The following ALDH1A2 variants were observed in gnomAD, a reference collection of about 807,000 sequenced individuals.
ALDH1A2 encodes aldehyde dehydrogenase 1 family member A2.
In ALDH1A2, 27 loss-of-function variants were observed where a neutral mutation model predicts 60.3. That is an observed-to-expected ratio of 0.45 (90% CI 0.33 to 0.62). The LOEUF (loss-of-function observed/expected upper bound fraction) is 0.62, where lower values mean the gene tolerates loss of function less well. ALDH1A2 is among the 20% of genes least tolerant of loss of function. ALDH1A2 has a pLI of 0.02. For missense variants in ALDH1A2, 581 were observed against 643.8 expected (o/e 0.90, Z 1.06); for synonymous variants, 289 against 232.4 (o/e 1.24, Z -2.21).
At chr15:57,995,570 C>T (rs1358122934) in intron 4 of ALDH1A2, among the ~76,000 whole-genome samples, 1 of 151,898 alleles carries the variant, frequency 6.6e-6, no homozygotes, top group African/African-American at 2.4e-5. Context: ...TGCTATTGGG[C>T]AAATTTAAAA....
chr15:57,964,602 C>T (rs34271864), intron 8 of ALDH1A2: 1,856 of 157,380 alleles, frequency 0.012, 34 homozygotes, highest in African/African-American at 0.042. Flanking sequence ...TCTACAGGGC[C>T]TTGGGGCTGT....
chr15:57,961,760 G>A (rs1596065112), intron 10 of ALDH1A2, among the ~76,000 whole-genome samples: 1 of 152,002 alleles, frequency 6.6e-6, no homozygotes, highest in Non-Finnish European at 1.5e-5. Flanking sequence ...CCAATGGCAG[G>A]CTATTCTGAT....
chr15:58,048,588 C>T lies in ALDH1A2; in HGVS notation c.117+16946G>A, dbSNP rs143522789. Among the ~76,000 whole-genome samples the T allele has an allele frequency of 5.1e-3, 778 of 152,078 alleles. 26 individuals are homozygous for T. The highest frequency in any genetic ancestry group is 0.04 in the Admixed American group (608 of 15,264). ...CCAGAATGATGCTGCTTGAGATATT[C>T]AGTGTTATTTTGGGTCATTCAGATT... On this transcript the variant is annotated intron_variant, in intron 1 of 12. Coordinates refer to ENST00000249750, the MANE Select transcript of ALDH1A2 (RefSeq NM_003888.4).
intron 5 of ALDH1A2, 138 bp downstream of exon 5, chr15:57,994,940 A>G (rs1256738036): frequency 7.2e-6 from 6 of 831,072 alleles, no homozygotes; most frequent in African/African-American, 6.7e-5. Context: ...AGGCTGTTAA[A>G]GATATGTCAA....
At chr15:58,015,005 A>G (rs1296560979) in intron 1 of ALDH1A2, among the ~76,000 whole-genome samples, 1 of 152,238 alleles carries the variant, frequency 6.6e-6, no homozygotes, top group Non-Finnish European at 1.5e-5. Context: ...TATTCAAGTC[A>G]ATTTCTCACA....
At chr15:58,033,850 A>AT (rs71297621) in intron 1 of ALDH1A2, among the ~76,000 whole-genome samples, 2,960 of 146,150 alleles carry the variant, frequency 0.02, 86 homozygotes, top group African/African-American at 0.062. Context: ...ATTTTTCTGT[A>AT]TTTTTTTTTT....
At chr15:58,022,676 T>G (rs539774541) in intron 1 of ALDH1A2, among the ~76,000 whole-genome samples, 1 of 152,294 alleles carries the variant, frequency 6.6e-6, no homozygotes, top group African/African-American at 2.4e-5. Flanking sequence ...ATCCCAGTCC[T>G]CAGCACAACT....
intron 1 of ALDH1A2, among the ~76,000 whole-genome samples, chr15:58,022,527 TC>T (rs1895957175): frequency 6.6e-6 from 1 of 151,748 alleles, no homozygotes; most frequent in African/African-American, 2.4e-5. Flanking sequence ...TGCCACTACC[TC>T]CGGGGGGAAA....
chr15:57,980,531 T>G (rs1894459148), intron 7 of ALDH1A2: 1 of 271,320 alleles, frequency 3.7e-6, no homozygotes, highest in African/African-American at 2.3e-5. Context: ...GGTGAGTCCC[T>G]TGATCCAGCT....
intron 1 of ALDH1A2, among the ~76,000 whole-genome samples, chr15:58,023,333 C>G (rs962879466): frequency 1.3e-5 from 2 of 152,052 alleles, no homozygotes; most frequent in Non-Finnish European, 2.9e-5. Context: ...ACACTTGGGA[C>G]AATTTTAAAG....
At chr15:58,013,710 C>A in intron 3 of ALDH1A2, 148 bp downstream of exon 3, 1 of 1,046,270 alleles carries the variant, frequency 9.6e-7, no homozygotes, top group African/African-American at 1.6e-5. Context: ...TGAAATCGTG[C>A]CACTGCGCTC....
chr15:58,015,237 T>C (rs1895757973), intron 1 of ALDH1A2, among the ~76,000 whole-genome samples: 1 of 152,218 alleles, frequency 6.6e-6, no homozygotes, highest in Non-Finnish European at 1.5e-5. Context: ...GATAATTATT[T>C]AGTGCCTGCC....
intron 4 of ALDH1A2, among the ~76,000 whole-genome samples, chr15:58,006,518 G>C (rs1895463872): frequency 6.6e-6 from 1 of 151,690 alleles, no homozygotes; most frequent in Admixed American, 6.6e-5. Flanking sequence ...TATTTTCCCT[G>C]GGTAGGTACA....
At chr15:57,975,009 T>G (rs1358461878) in intron 7 of ALDH1A2, among the ~76,000 whole-genome samples, 1 of 152,216 alleles carries the variant, frequency 6.6e-6, no homozygotes, top group East Asian at 1.9e-4. Flanking sequence ...AAAACCACAT[T>G]GAGACAATGC....
intron 1 of ALDH1A2, among the ~76,000 whole-genome samples, chr15:58,022,779 G>C (rs769082934): frequency 6.6e-6 from 1 of 151,936 alleles, no homozygotes; most frequent in Non-Finnish European, 1.5e-5. Flanking sequence ...ATCATATAGA[G>C]ACTACACCAC....
At chr15:57,968,017 T>C (rs1893950393) in intron 7 of ALDH1A2, among the ~76,000 whole-genome samples, 1 of 152,146 alleles carries the variant, frequency 6.6e-6, no homozygotes, top group African/African-American at 2.4e-5. Context: ...ATCCTCTGAC[T>C]TACTGCCAGC....
Position 57,955,168 on chromosome 15 carries a change from G to A in ALDH1A2, c.*29C>T, listed in dbSNP as rs774257162. 10 of 1,605,900 alleles carry A rather than the reference G, an allele frequency of 6.2e-6. No homozygotes were observed. Among genetic ancestry groups the A allele is most frequent in the Non-Finnish European group, 7.7e-6 (9 of 1,172,650 alleles). ...AAAGCAGAGAGGGACAGACGTGCAG[G>A]CTGGGCTTCATCCTCCTTCTTGGCC... is the stretch of plus-strand genomic sequence containing the variant. On this transcript the variant is annotated 3_prime_UTR_variant, in exon 13 of 13. Transcript: ENST00000249750.
At chr15:57,967,051 C>T (rs889028307) in intron 7 of ALDH1A2, among the ~76,000 whole-genome samples, 18 of 152,128 alleles carry the variant, frequency 1.2e-4, no homozygotes, top group African/African-American at 4.1e-4. Flanking sequence ...GGAAGAGAAA[C>T]GCTACATTCA....
intron 7 of ALDH1A2, among the ~76,000 whole-genome samples, chr15:57,968,718 A>G (rs1364058148): frequency 2.6e-5 from 4 of 152,240 alleles, no homozygotes; most frequent in Admixed American, 2.6e-4. Flanking sequence ...TAAGATGCTG[A>G]GTAAATATTT....
Sources: gnomAD v4.1 joint callset for allele counts (sites outside exome capture counted in the v4.1 genomes callset) on GRCh38, gnomAD v4.1.1 for gene constraint, MANE v1.5 for transcripts, NCBI Gene and HGNC (gene_info 2026-07-23, HGNC 2026-07-21) for gene names.